Variants in EVC observed in about 807,000 individuals in gnomAD.
EVC encodes EvC ciliary complex subunit 1, also known as evC complex member EVC.
Under a neutral mutation model 118.9 loss-of-function variants are expected in EVC, and 116 were observed. The ratio of observed to expected loss-of-function variants is 0.98; its 90% CI spans 0.84 to 1.14. EVC has a LOEUF of 1.14. Among genes scored for constraint, EVC ranks in the 50% most tolerant of loss-of-function variants. EVC has a pLI of 0.00. For synonymous variants in EVC, 619 were observed against 534.7 expected, an observed-to-expected ratio of 1.16 and a Z score of -2.18; for missense variants, 1,401 against 1,246.4, an observed-to-expected ratio of 1.12 and a Z score of -1.87.
rs1734108887 is a variant in EVC at position 5,772,292 on chromosome 4, C to G, written c.1564-11260C>G. 4.6e-5 allele frequency among the ~76,000 whole-genome samples: 7 copies of G among 152,220 alleles called. No homozygotes were observed. The South Asian group carries it at 1.5e-3, about 32-fold the overall frequency. ...TGCCCTTGTATCACATGCTACCCCT[C>G]TTTCCTTTTGGTAATTTTCACAACC... On this transcript the variant is annotated intron_variant, in intron 11 of 20. Coordinates refer to ENST00000264956, the MANE Select transcript of EVC (RefSeq NM_153717.3).
chr4:5,711,594 G>T (rs1488481902), intron 1 of EVC, 40 bp downstream of exon 1: 1 of 1,163,240 alleles, frequency 8.6e-7, no homozygotes, highest in Non-Finnish European at 1.1e-6. Context: ...CGGGGAGCGC[G>T]GGGCGCGTGG....
intron 11 of EVC, among the ~76,000 whole-genome samples, chr4:5,760,044 C>T (rs1039881038): frequency 6.6e-6 from 1 of 152,048 alleles, no homozygotes; most frequent in Admixed American, 6.5e-5. Context: ...CAGTTGCATT[C>T]TTTTGAGTTT....
chr4:5,814,694 A>C (rs1336641267), downstream of EVC, among the ~76,000 whole-genome samples: 2 of 151,976 alleles, frequency 1.3e-5, no homozygotes, highest in East Asian at 1.9e-4. Flanking sequence ...TCATGGCCTC[A>C]CATGGGCCAC....
intron 11 of EVC, among the ~76,000 whole-genome samples, chr4:5,768,298 G>T (rs1349560232): frequency 6.6e-6 from 1 of 152,136 alleles, no homozygotes; most frequent in Non-Finnish European, 1.5e-5. Context: ...AAGGACCAGT[G>T]TGGTTTCCAT....
chr4:5,783,866 A>C, intron 12 of EVC, 102 bp downstream of exon 12: 1 of 1,116,270 alleles, frequency 9.0e-7, no homozygotes, highest in Admixed American at 2.0e-5. Flanking sequence ...TGCCTATTGT[A>C]GGTGCTCTAC....
At position 5,718,747 on chromosome 4, in the gene EVC, C is replaced by T. The variant is rs1309202446; in HGVS notation, c.175-501C>T. On this transcript the variant is annotated intron_variant, in intron 1 of 20. Transcript: ENST00000264956. ...GTACAGGAATTGGCAAATACAGAAT[C>T]CATAAATAATGAGCATTCATTGTAG... Among the ~76,000 whole-genome samples, 3 of 152,176 alleles carry T rather than the reference C, an allele frequency of 2.0e-5. No individual in the cohort carries two copies. In the East Asian group the frequency reaches 5.8e-4, roughly 29 times the overall value.
At chr4:5,768,773 C>G (rs992505144) in intron 11 of EVC, among the ~76,000 whole-genome samples, 4 of 151,962 alleles carry the variant, frequency 2.6e-5, no homozygotes, top group African/African-American at 9.7e-5. Flanking sequence ...ATGAGAATCG[C>G]TTGAACCCAG....
At chr4:5,797,254 C>T (rs1459065955) in intron 14 of EVC, 22 bp downstream of exon 14, 1 of 1,579,388 alleles carries the variant, frequency 6.3e-7, no homozygotes, top group Non-Finnish European at 8.6e-7. Context: ...ATGGTGGCCC[C>T]ACCCATTCCA....
At chr4:5,800,466 GGT>G (rs1176317072) in intron 15 of EVC, among the ~76,000 whole-genome samples, 2 of 152,196 alleles carry the variant, frequency 1.3e-5, no homozygotes, top group African/African-American at 4.8e-5. Flanking sequence ...TGTGCCAGTG[GGT>G]ACGGGGAGAC....
At chr4:5,715,989 G>A (rs1366693621) in intron 1 of EVC, among the ~76,000 whole-genome samples, 1 of 152,172 alleles carries the variant, frequency 6.6e-6, no homozygotes, top group Non-Finnish European at 1.5e-5. Flanking sequence ...TGATCCACCT[G>A]CCTCGGCCTC....
chr4:5,810,856 T>G, intron 20 of EVC, 97 bp from the exon 21 acceptor site: 1 of 1,183,614 alleles, frequency 8.4e-7, no homozygotes, highest in Non-Finnish European at 1.2e-6. Context: ...TGATCACCTT[T>G]GGCTGCATTT....
chr4:5,804,744 A>G lies in EVC; in HGVS notation c.2464A>G (p.Asn822Asp), dbSNP rs763891488. 3.3e-5 allele frequency: 53 copies of G among 1,613,970 alleles called. No homozygotes were observed. Among genetic ancestry groups the G allele is most frequent in the Middle Eastern group, 1.6e-4 (1 of 6,084 alleles). ...LKTLQGERME[N>D]YKLRKKQELS... ...AAATGGTCTAGGTGAGAGGATGGAAAATTACAAACTGCGGAAAAAGCAAGA... is the reference window on the plus strand; with the variant it reads ...AAATGGTCTAGGTGAGAGGATGGAAGATTACAAACTGCGGAAAAAGCAAGA... Residue 822 changes from asparagine to aspartate, a missense_variant, in exon 17 of 21, where the codon AAT becomes GAT. Asn to Asp is a conservative substitution (Grantham distance 23). Transcript: ENST00000264956.
intron 1 of EVC, among the ~76,000 whole-genome samples, chr4:5,715,674 A>T (rs1723817555): frequency 6.6e-6 from 1 of 151,168 alleles, no homozygotes; most frequent in Non-Finnish European, 1.5e-5. Context: ...TTTATACTTA[A>T]TTTGGTAAGA....
In EVC at chr4:5,798,917, TC is replaced by T; in HGVS notation, c.2304+126del. 2.9e-6 allele frequency: 3 copies of T among 1,023,064 alleles called. No individual in the cohort carries two copies. The highest frequency in any genetic ancestry group is 4.5e-6 in the Non-Finnish European group (3 of 667,346). The allele number at this position is 1,023,064 out of a possible 1,614,324, so 63.4% of individuals were successfully genotyped here. On this transcript the variant is annotated intron_variant, in intron 15 of 20. Coordinates refer to ENST00000264956, the MANE Select transcript of EVC (RefSeq NM_153717.3). This position sits in a 1 kb window ranked among gnomAD's most constrained non-coding sequence, Gnocchi z 4.1. ...GTGGCCTAGTAGACTTTGCCTGACTTCTCCATGACTTGATTTTCTCATCTGT... is the reference window on the plus strand; with the variant it reads ...GTGGCCTAGTAGACTTTGCCTGACTTTCCATGACTTGATTTTCTCATCTGT...
chr4:5,793,772 C>A, intron 13 of EVC, 55 bp downstream of exon 13: 1 of 1,361,084 alleles, frequency 7.3e-7, no homozygotes, highest in Non-Finnish European at 1.0e-6. Context: ...ATGCTCCCTC[C>A]AGCCTCAGTG....
intron 17 of EVC, among the ~76,000 whole-genome samples, chr4:5,806,268 G>C (rs1388681651): frequency 6.6e-6 from 1 of 151,672 alleles, no homozygotes; most frequent in Non-Finnish European, 1.5e-5. Flanking sequence ...TTTTAGTAGA[G>C]ATGGGGTTTT....
chr4:5,736,868 C>T (rs562558169), intron 5 of EVC, among the ~76,000 whole-genome samples: 3 of 152,272 alleles, frequency 2.0e-5, no homozygotes, highest in African/African-American at 7.2e-5. Context: ...GTTAGTAACG[C>T]TGCAATGGCC....
chr4:5,728,057 C>T (rs1380951259), intron 2 of EVC, among the ~76,000 whole-genome samples: 2 of 151,822 alleles, frequency 1.3e-5, no homozygotes, highest in African/African-American at 4.8e-5. Flanking sequence ...GCGATGCGGG[C>T]TCTTTTTTGG....
chr4:5,818,565 C>A (rs918843704), downstream of EVC, among the ~76,000 whole-genome samples: 1 of 152,112 alleles, frequency 6.6e-6, no homozygotes, highest in Non-Finnish European at 1.5e-5. Flanking sequence ...TTAATTCATT[C>A]ATAGATTAAT....
Sources: gnomAD v4.1 joint callset for allele counts (sites outside exome capture counted in the v4.1 genomes callset) on GRCh38, gnomAD v4.1.1 for gene constraint, Gnocchi (gnomAD v3.1) non-coding constraint, MANE v1.5 for transcripts, NCBI Gene and HGNC (gene_info 2026-07-23, HGNC 2026-07-21) for gene names.